Variants in EMSY observed in about 807,000 individuals in gnomAD.
EMSY encodes the protein BRCA2-interacting transcriptional repressor EMSY.
A neutral mutation model predicts 134.6 loss-of-function variants in EMSY; 26 were observed. That is an observed-to-expected ratio of 0.19 (90% CI 0.14 to 0.27). EMSY has a LOEUF of 0.27. Among genes scored for constraint, EMSY ranks in the 10% least tolerant of loss-of-function variants. EMSY has a pLI of 1.00. For synonymous variants in EMSY, 579 were observed against 577.8 expected, an observed-to-expected ratio of 1.00 and a Z score of -0.03; for missense variants, 1,305 against 1,611.4, an observed-to-expected ratio of 0.81 and a Z score of 3.26.
chr11:76,480,862 T>C (rs900225872), intron 8 of EMSY, among the ~76,000 whole-genome samples: 3 of 152,178 alleles, frequency 2.0e-5, no homozygotes, highest in Admixed American at 1.3e-4. Flanking sequence ...GGGACCCTGC[T>C]GTGAGGGACA....
At chr11:76,521,216 T>C (rs1359989532) in intron 11 of EMSY, among the ~76,000 whole-genome samples, 1 of 152,192 alleles carries the variant, frequency 6.6e-6, no homozygotes, top group African/African-American at 2.4e-5. Flanking sequence ...ACATGCTAAT[T>C]AGATCAAAAT....
rs117324281 is a variant in EMSY at position 76,450,977 on chromosome 11, T to G, written c.71-881T>G. Among the ~76,000 whole-genome samples the G allele has an allele frequency of 1.7e-3, 260 of 151,988 alleles. 2 individuals are homozygous for G. The highest frequency in any genetic ancestry group is 0.013 in the East Asian group (65 of 5,138). ...CCCAGCTAATTTTTTGTATTTTTTT[T>G]GTACAGCCAGAGTTTTGCCATGTTG... On this transcript the variant is annotated intron_variant, in intron 2 of 20. Coordinates refer to ENST00000334736, the Ensembl canonical transcript of EMSY.
chr11:76,535,887 T>C lies in EMSY; in HGVS notation c.2195-8T>C. The C allele has an allele frequency of 2.0e-6, 3 of 1,485,200 alleles. No individual in the cohort carries two copies. The highest frequency in any genetic ancestry group is 2.7e-6 in the Non-Finnish European group (3 of 1,115,910). The allele number at this position is 1,485,200 out of a possible 1,614,324, so 92.0% of individuals were successfully genotyped here. ...AGGGTTTGTTTTTTTTTAACTAATATAAAACAGATTCCCAGCCTGTAGTTC... is the reference window on the plus strand; with the variant it reads ...AGGGTTTGTTTTTTTTTAACTAATACAAAACAGATTCCCAGCCTGTAGTTC... On this transcript the variant is annotated splice_polypyrimidine_tract_variant and splice_region_variant and intron_variant, in intron 14 of 20. Transcript: ENST00000334736.
chr11:76,446,323 G>GTATATATATATGTGTATATA (rs1555036459), intron 1 of EMSY, among the ~76,000 whole-genome samples: 212 of 57,984 alleles, frequency 3.7e-3, no homozygotes, highest in African/African-American at 0.014. Flanking sequence ...GTGTGTGTGT[G>GTATATATATATGTGTATATA]TATATATATA....
intron 13 of EMSY, 86 bp downstream of exon 14, chr11:76,526,721 TC>T: frequency 7.9e-7 from 1 of 1,272,694 alleles, no homozygotes; most frequent in Non-Finnish European, 1.1e-6. Context: ...AAGGAAAAGA[TC>T]AGCAATCTTT....
intron 8 of EMSY, among the ~76,000 whole-genome samples, chr11:76,478,902 A>G (rs1438519692): frequency 6.6e-6 from 1 of 151,788 alleles, no homozygotes; most frequent in Non-Finnish European, 1.5e-5. Flanking sequence ...AACTATAGTG[A>G]ACATCTTTGT....
chr11:76,531,503 A>G (rs1951039269), intron 14 of EMSY, among the ~76,000 whole-genome samples: 1 of 152,120 alleles, frequency 6.6e-6, no homozygotes, highest in Non-Finnish European at 1.5e-5. Flanking sequence ...TAGATTCATC[A>G]GGAATTCCAC....
intron 10 of EMSY, 22 bp downstream of exon 11, chr11:76,513,557 T>C (rs1476060856): frequency 6.2e-7 from 1 of 1,609,486 alleles, no homozygotes; most frequent in Admixed American, 1.7e-5. Context: ...TGAGCATCAG[T>C]TCATTTATTC....
exon 4 of EMSY, chr11:76,453,358 A>C: frequency 6.2e-7 from 1 of 1,613,140 alleles, no homozygotes; most frequent in Non-Finnish European, 8.5e-7. Context: ...AGAGCAGTAA[A>C]CGATGAACGG....
chr11:76,504,309 A>G (rs1191078156), intron 9 of EMSY, among the ~76,000 whole-genome samples: 2 of 149,738 alleles, frequency 1.3e-5, no homozygotes, highest in African/African-American at 4.9e-5. Flanking sequence ...TAATATATAT[A>G]TATAAACTCT....
chr11:76,465,993 A>G (rs1053655890), intron 7 of EMSY, among the ~76,000 whole-genome samples: 30 of 152,308 alleles, frequency 2.0e-4, no homozygotes, highest in African/African-American at 7.2e-4. Context: ...CTCGAGTAAT[A>G]TAAGCCTGGT....
chr11:76,500,589 G>A (rs1036844761), intron 9 of EMSY, among the ~76,000 whole-genome samples: 21 of 152,116 alleles, frequency 1.4e-4, no homozygotes, highest in Admixed American at 8.5e-4. Flanking sequence ...GCCAAAATTC[G>A]GATTACAGAG....
chr11:76,466,218 G>A (rs989718173), intron 7 of EMSY, among the ~76,000 whole-genome samples: 42 of 152,098 alleles, frequency 2.8e-4, no homozygotes, highest in African/African-American at 8.9e-4. Context: ...GATCTAAATC[G>A]TTCTTAAACA....
At chr11:76,544,720 A>C in exon 19 of EMSY, 1 of 1,614,062 alleles carries the variant, frequency 6.2e-7, no homozygotes, top group Non-Finnish European at 8.5e-7. Context: ...AGCTCCCTAA[A>C]CTGCAGCAGG....
chr11:76,487,133 A>C (rs1949220234), intron 8 of EMSY, among the ~76,000 whole-genome samples: 1 of 152,174 alleles, frequency 6.6e-6, no homozygotes, highest in South Asian at 2.1e-4. Flanking sequence ...ACAAAAAATT[A>C]GCTGGGCCTG....
rs1951207741 is a variant in EMSY at position 76,535,915 on chromosome 11, G to C, written c.2215G>C (p.Val739Leu). The C allele has an allele frequency of 2.6e-6, 4 of 1,543,652 alleles. No individual in the cohort carries two copies. In the East Asian group the frequency reaches 9.4e-5, roughly 36 times the overall value. The change falls in exon 15 of 21, where the codon GTA becomes CTA. Residue 739 changes from valine (V) to leucine (L), a missense_variant. Coordinates refer to ENST00000334736, the Ensembl canonical transcript of EMSY. The stretch of plus-strand genomic sequence containing the variant: ...AACAGATTCCCAGCCTGTAGTTCAT[G>C]TAATTGCTTCCCGGCGTCAGGATTG...
intron 11 of EMSY, among the ~76,000 whole-genome samples, chr11:76,521,286 A>C (rs1195431039): frequency 6.6e-6 from 1 of 152,186 alleles, no homozygotes. Flanking sequence ...GAAAGTTAGA[A>C]CTGGGAATGA....
intron 9 of EMSY, 145 bp from the exon 11 acceptor site, chr11:76,513,241 A>T (rs999144810): frequency 5.9e-5 from 34 of 576,800 alleles, no homozygotes; most frequent in Non-Finnish European, 6.0e-5. Flanking sequence ...TGAGGAATAA[A>T]AGTTTAGAGT....
intron 8 of EMSY, among the ~76,000 whole-genome samples, chr11:76,494,327 ATAGTT>A (rs932820439): frequency 3.9e-5 from 6 of 152,230 alleles, no homozygotes; most frequent in Admixed American, 2.0e-4. Context: ...TCCCGTGACA[ATAGTT>A]TAGTTAGGGA....
Sources: gnomAD v4.1 joint callset for allele counts (sites outside exome capture counted in the v4.1 genomes callset) on GRCh38, gnomAD v4.1.1 for gene constraint, MANE v1.5 for transcripts, NCBI Gene and HGNC (gene_info 2026-07-23, HGNC 2026-07-21) for gene names.